The following SEMA5A variants were observed in gnomAD, a reference collection of about 807,000 sequenced individuals.
SEMA5A encodes the protein semaphorin-5A.
In SEMA5A, 55 loss-of-function variants were observed where a neutral mutation model predicts 135.5. That is an observed-to-expected ratio of 0.41 (90% CI 0.33 to 0.51). The LOEUF (loss-of-function observed/expected upper bound fraction) is 0.51. Among genes scored for constraint, SEMA5A ranks in the 20% least tolerant of loss-of-function variants. The probability of loss-of-function intolerance (pLI) is 0.37; values close to 1 mark genes in which losing one functional copy is unlikely to be tolerated. For missense variants in SEMA5A, 1,290 were observed against 1,419.9 expected, an observed-to-expected ratio of 0.91 and a Z score of 1.47; for synonymous variants, 580 against 546.5, an observed-to-expected ratio of 1.06 and a Z score of -0.85.
At chr5:9,221,731 G>T (rs893739497) in intron 8 of SEMA5A, among the ~76,000 whole-genome samples, 2 of 152,234 alleles carry the variant, frequency 1.3e-5, no homozygotes, top group African/African-American at 4.8e-5. Context: ...GAACACAGCA[G>T]AAAGAATCAG....
chr5:9,263,518 C>T (rs1357246843), intron 5 of SEMA5A, among the ~76,000 whole-genome samples: 1 of 152,172 alleles, frequency 6.6e-6, no homozygotes, highest in Non-Finnish European at 1.5e-5. Flanking sequence ...CCACCCTTTC[C>T]CCACTGCCCC....
intron 1 of SEMA5A, among the ~76,000 whole-genome samples, chr5:9,538,040 G>A (rs1160834619): frequency 6.6e-6 from 1 of 152,172 alleles, no homozygotes; most frequent in East Asian, 1.9e-4. Context: ...GTGGCAGGAG[G>A]CAGAGAGGAT....
intron 5 of SEMA5A, among the ~76,000 whole-genome samples, chr5:9,269,052 T>C (rs1749832519): frequency 6.6e-6 from 1 of 152,114 alleles, no homozygotes; most frequent in African/African-American, 2.4e-5. Flanking sequence ...TATAGGCTGA[T>C]AGAAATGCAT....
At chr5:9,197,911 T>C (rs1398525032) in intron 9 of SEMA5A, among the ~76,000 whole-genome samples, 2 of 152,028 alleles carry the variant, frequency 1.3e-5, no homozygotes, top group African/African-American at 4.8e-5. Context: ...ATTCAAAGGG[T>C]CAAAGAGAAA....
At chr5:9,167,142 T>C (rs1743653066) in intron 11 of SEMA5A, among the ~76,000 whole-genome samples, 2 of 152,340 alleles carry the variant, frequency 1.3e-5, no homozygotes, top group Non-Finnish European at 2.9e-5. Flanking sequence ...AAAATTATTT[T>C]GTCATTTTTC....
intron 3 of SEMA5A, among the ~76,000 whole-genome samples, chr5:9,340,717 G>A (rs1753610328): frequency 6.6e-6 from 1 of 152,110 alleles, no homozygotes. Flanking sequence ...GGTTAACATA[G>A]ATCAAAGTTG....
intron 15 of SEMA5A, among the ~76,000 whole-genome samples, chr5:9,117,729 C>T (rs1740596947): frequency 6.6e-6 from 1 of 152,100 alleles, no homozygotes. Flanking sequence ...TTCAACCTGT[C>T]CTAGGTGACA....
chr5:9,328,011 A>G (rs958571524), intron 4 of SEMA5A, among the ~76,000 whole-genome samples: 4 of 152,172 alleles, frequency 2.6e-5, no homozygotes, highest in Non-Finnish European at 5.9e-5. Flanking sequence ...TTAATTTTCT[A>G]GGTTATCTTC....
chr5:9,513,981 A>G (rs1736364142), intron 1 of SEMA5A, among the ~76,000 whole-genome samples: 1 of 152,150 alleles, frequency 6.6e-6, no homozygotes, highest in South Asian at 2.1e-4. Context: ...GAGGTAAGAA[A>G]TCTAAAACGA....
At chr5:9,316,282 G>A (rs1000009247) in intron 5 of SEMA5A, among the ~76,000 whole-genome samples, 20 of 152,176 alleles carry the variant, frequency 1.3e-4, no homozygotes, top group African/African-American at 4.8e-4. Context: ...TCTTATCTGA[G>A]TTCTCCTTGC....
At chr5:9,535,504 C>T (rs969783211) in intron 1 of SEMA5A, among the ~76,000 whole-genome samples, 2 of 152,038 alleles carry the variant, frequency 1.3e-5, no homozygotes, top group Admixed American at 1.3e-4. Context: ...ACACAATTGA[C>T]ATTCAGTGTG....
chr5:9,543,686 A>G (rs1204202746), intron 1 of SEMA5A, among the ~76,000 whole-genome samples: 6 of 152,204 alleles, frequency 3.9e-5, no homozygotes, highest in South Asian at 2.1e-4. Flanking sequence ...CCACACTTCA[A>G]TGAGTATACA....
rs561981146 is a variant in SEMA5A, at chr5:9,329,976, G to T, written c.224+7737C>A. ...TGTTTTTATTGGTATCATTTTTATT[G>T]TTGTATTGTTTGTTTTTAATTTTTC... On this transcript the variant is annotated intron_variant, in intron 4 of 22. Transcript: ENST00000382496. Among the ~76,000 whole-genome samples, 4 of 152,216 alleles carry T rather than the reference G, an allele frequency of 2.6e-5. No homozygotes were observed. The South Asian group carries it at 8.3e-4, about 32-fold the overall frequency.
chr5:9,468,209 GT>G (rs550159608), intron 1 of SEMA5A, among the ~76,000 whole-genome samples: 14 of 152,238 alleles, frequency 9.2e-5, no homozygotes, highest in Non-Finnish European at 1.6e-4. Flanking sequence ...GGCATTGTTG[GT>G]TTTTTTCTTG....
At chr5:9,440,845 G>A (rs574065049) in intron 1 of SEMA5A, among the ~76,000 whole-genome samples, 36 of 152,302 alleles carry the variant, frequency 2.4e-4, no homozygotes, top group African/African-American at 7.9e-4. Flanking sequence ...CAGATACATG[G>A]CAGAAATTAA....
At chr5:9,516,097 C>T (rs1028019694) in intron 1 of SEMA5A, among the ~76,000 whole-genome samples, 9 of 152,202 alleles carry the variant, frequency 5.9e-5, no homozygotes, top group African/African-American at 7.2e-5. Context: ...TGAACACCTA[C>T]GGTATATAAA....
intron 18 of SEMA5A, among the ~76,000 whole-genome samples, chr5:9,059,722 GTC>G (rs1737080111): frequency 6.6e-6 from 1 of 152,064 alleles, no homozygotes; most frequent in South Asian, 2.1e-4. Context: ...GCTAATTTTT[GTC>G]TTTTTAGTAG....
intron 3 of SEMA5A, among the ~76,000 whole-genome samples, chr5:9,363,842 A>C (rs1483416366): frequency 3.3e-5 from 5 of 152,216 alleles, no homozygotes; most frequent in Admixed American, 1.3e-4. Flanking sequence ...AACTATTTTC[A>C]ATTCATGGAA....
chr5:9,252,418 C>A (rs542311712), intron 5 of SEMA5A, among the ~76,000 whole-genome samples: 108 of 152,178 alleles, frequency 7.1e-4, no homozygotes, highest in African/African-American at 2.5e-3. Flanking sequence ...TTATCCAAAC[C>A]CACTTGAAAT....
Sources: gnomAD v4.1 joint callset for allele counts (sites outside exome capture counted in the v4.1 genomes callset) on GRCh38, gnomAD v4.1.1 for gene constraint, MANE v1.5 for transcripts, NCBI Gene and HGNC (gene_info 2026-07-23, HGNC 2026-07-21) for gene names.